Variants in NMBR observed in about 807,000 individuals in gnomAD.
NMBR encodes neuromedin B receptor.
In NMBR, 16 loss-of-function variants were observed where a neutral mutation model predicts 20.5. The observed-to-expected ratio is 0.78, with a 90% CI of 0.53 to 1.19. The LOEUF (loss-of-function observed/expected upper bound fraction) is 1.19. NMBR is among the 50% of genes most tolerant of loss of function. The pLI, the probability that NMBR is intolerant of heterozygous loss-of-function variation, is 0.00. For missense variants in NMBR, 582 were observed against 499.1 expected (o/e 1.17, Z -1.58); for synonymous variants, 212 against 196.6 (o/e 1.08, Z -0.65).
At chr6:142,136,490 T>C (rs1337253080) in intron 1 of NMBR, among the ~76,000 whole-genome samples, 2 of 152,200 alleles carry the variant, frequency 1.3e-5, no homozygotes, top group Non-Finnish European at 2.9e-5. Flanking sequence ...GCAGAAGCTC[T>C]TTAGTTTAAT....
chr6:142,120,040 A>G (rs143858245), intron 1 of NMBR, among the ~76,000 whole-genome samples: 15 of 152,116 alleles, frequency 9.9e-5, no homozygotes, highest in African/African-American at 3.4e-4. Context: ...TGCAAAATTG[A>G]CATTGTATTT....
chr6:142,082,056 A>T (rs1777108426), intron 2 of NMBR, among the ~76,000 whole-genome samples: 1 of 152,208 alleles, frequency 6.6e-6, no homozygotes. Context: ...AACAAAATAC[A>T]TAATAAAAAT....
rs986942919 is a variant in NMBR at position 142,147,058 on chromosome 6, A to G, written c.-678T>C. ...CTTCCTCCTACCAGCAGAGAGCGCT[A>G]GCGCCATGCGCGGCATAAGCGCCAA... is the stretch of plus-strand genomic sequence containing the variant. On this transcript the variant is annotated 5_prime_UTR_variant, in exon 1 of 4. Transcript: ENST00000258042. 2.7e-5 allele frequency: 15 copies of G among 559,260 alleles called. No homozygotes were observed. Among genetic ancestry groups the G allele is most frequent in the African/African-American group, 2.4e-4 (13 of 53,560 alleles). The allele number at this position is 559,260 out of a possible 1,614,324, so 34.6% of individuals were successfully genotyped here. A position where few individuals can be genotyped will look rare whatever the true frequency, so the allele number is the denominator to read the frequency against.
intron 1 of NMBR, among the ~76,000 whole-genome samples, chr6:142,108,062 A>G (rs1777690455): frequency 6.6e-6 from 1 of 152,106 alleles, no homozygotes; most frequent in South Asian, 2.1e-4. Context: ...AGAAAGAAAA[A>G]TAAACAGAGC....
At chr6:142,114,825 T>A (rs963600526) in intron 1 of NMBR, among the ~76,000 whole-genome samples, 1 of 152,106 alleles carries the variant, frequency 6.6e-6, no homozygotes, top group Non-Finnish European at 1.5e-5. Flanking sequence ...GCTAATTTAC[T>A]TTCATTATCT....
chr6:142,146,943 A>G (rs2232292), intron 1 of NMBR, among the ~76,000 whole-genome samples, 101 bp downstream of exon 1: 1,630 of 152,350 alleles, frequency 0.011, 32 homozygotes, highest in African/African-American at 0.038. Flanking sequence ...TCTCCCAGTC[A>G]ACATACATTA....
chr6:142,122,554 T>A (rs1280139924), intron 1 of NMBR, among the ~76,000 whole-genome samples: 8 of 152,088 alleles, frequency 5.3e-5, no homozygotes, highest in African/African-American at 1.9e-4. Context: ...TGGGAAAAGA[T>A]GCCATCTAAA....
At chr6:142,129,453 GATTAA>G (rs1778101557) in intron 1 of NMBR, among the ~76,000 whole-genome samples, 1 of 152,040 alleles carries the variant, frequency 6.6e-6, no homozygotes, top group African/African-American at 2.4e-5. Flanking sequence ...ATATTTTAAT[GATTAA>G]ATTAACTAAC....
chr6:142,087,433 C>T (rs1021405229), intron 2 of NMBR, among the ~76,000 whole-genome samples: 14 of 152,146 alleles, frequency 9.2e-5, no homozygotes, highest in African/African-American at 3.1e-4. Context: ...CTTAAATGGA[C>T]CCTGAGTCAG....
At chr6:142,079,330 A>G (rs930879427) in intron 2 of NMBR, among the ~76,000 whole-genome samples, 2 of 152,138 alleles carry the variant, frequency 1.3e-5, no homozygotes, top group African/African-American at 4.8e-5. Context: ...TGGAAGACCT[A>G]AGGTTCCTGG....
intron 1 of NMBR, among the ~76,000 whole-genome samples, chr6:142,122,732 G>T (rs1777965583): frequency 6.6e-6 from 1 of 151,866 alleles, no homozygotes; most frequent in Non-Finnish European, 1.5e-5. Flanking sequence ...TACTCTGCCT[G>T]CATTCTATAA....
intron 1 of NMBR, among the ~76,000 whole-genome samples, chr6:142,125,463 G>GTGCATGCATATACACATATACATA (rs1778014079): frequency 1.3e-5 from 2 of 151,870 alleles, no homozygotes; most frequent in Non-Finnish European, 2.9e-5. Flanking sequence ...ACATATACAT[G>GTGCATGCATATACACATATACATA]TGCATGCATA....
At chr6:142,136,705 C>T (rs1312443180) in intron 1 of NMBR, among the ~76,000 whole-genome samples, 12 of 152,060 alleles carry the variant, frequency 7.9e-5, no homozygotes, top group Admixed American at 5.2e-4. Flanking sequence ...GTTTCAGCTT[C>T]CTACATATGG....
intron 2 of NMBR, among the ~76,000 whole-genome samples, chr6:142,084,552 T>C (rs1777164000): frequency 6.6e-6 from 1 of 152,198 alleles, no homozygotes; most frequent in Non-Finnish European, 1.5e-5. Context: ...TTAACAGTTA[T>C]ATAAGAAGCC....
intron 1 of NMBR, among the ~76,000 whole-genome samples, chr6:142,145,591 T>G (rs1438253948): frequency 6.6e-6 from 1 of 152,074 alleles, no homozygotes; most frequent in Non-Finnish European, 1.5e-5. Flanking sequence ...GCTCAGCAAA[T>G]GCTGCTAGCT....
At chr6:142,138,947 A>T (rs1270697706) in intron 1 of NMBR, among the ~76,000 whole-genome samples, 1 of 152,166 alleles carries the variant, frequency 6.6e-6, no homozygotes, top group African/African-American at 2.4e-5. Flanking sequence ...GTACTTACTG[A>T]AAGGCCAGTT....
At chr6:142,117,144 T>C (rs1777869976) in intron 1 of NMBR, among the ~76,000 whole-genome samples, 1 of 151,886 alleles carries the variant, frequency 6.6e-6, no homozygotes, top group Admixed American at 6.6e-5. Context: ...TTACAGGAGC[T>C]TTCACTACAC....
At chr6:142,090,244 T>C (rs548974580) in intron 1 of NMBR, among the ~76,000 whole-genome samples, 274 of 152,252 alleles carry the variant, frequency 1.8e-3, no homozygotes, top group African/African-American at 6.2e-3. Flanking sequence ...TTCTTTGTTA[T>C]TAAAGGATAA....
At chr6:142,134,636 T>C (rs1033222157) in intron 1 of NMBR, 16 of 690,044 alleles carry the variant, frequency 2.3e-5, no homozygotes, top group African/African-American at 3.5e-5. Context: ...CAAAAGCCTA[T>C]CTACACTATA....
Sources: allele counts gnomAD v4.1 joint callset (sites outside exome capture counted in the v4.1 genomes callset), GRCh38; gene constraint gnomAD v4.1.1; transcripts MANE v1.5; gene names NCBI Gene and HGNC (gene_info 2026-07-23, HGNC 2026-07-21).